ALKAL1: variants seen among roughly 807,000 people sequenced by gnomAD.
ALKAL1 encodes the protein AUG-beta.
A neutral mutation model predicts 13.5 loss-of-function variants in ALKAL1; 23 were observed. That is an observed-to-expected ratio of 1.70 (90% CI 1.23 to 2.41). The LOEUF (loss-of-function observed/expected upper bound fraction) is 2.41, where lower values mean the gene tolerates loss of function less well. Among genes scored for constraint, ALKAL1 ranks in the 30% most tolerant of loss-of-function variants. ALKAL1 has a pLI of 0.00. For missense variants in ALKAL1, 181 were observed against 178.4 expected (o/e 1.01, Z -0.08); for synonymous variants, 85 against 77.7 (o/e 1.09, Z -0.49).
intron 1 of ALKAL1, among the ~76,000 whole-genome samples, chr8:52,560,918 A>C (rs990927888): frequency 2.6e-5 from 4 of 152,310 alleles, no homozygotes; most frequent in African/African-American, 9.6e-5. Flanking sequence ...CAGTAAAATA[A>C]ATAGCTTCAA....
intron 2 of ALKAL1, among the ~76,000 whole-genome samples, chr8:52,541,125 C>A (rs1346665132): frequency 6.6e-6 from 1 of 152,180 alleles, no homozygotes; most frequent in Non-Finnish European, 1.5e-5. Context: ...AAATGATTCA[C>A]AAAGTTGATA....
At chr8:52,535,717 GAACT>G (rs1405254053) in intron 4 of ALKAL1, among the ~76,000 whole-genome samples, 3 of 152,084 alleles carry the variant, frequency 2.0e-5, no homozygotes, top group East Asian at 1.9e-4. Context: ...TAGATATGCA[GAACT>G]AACAGTTCTA....
At chr8:52,551,417 C>A (rs538765906) in intron 1 of ALKAL1, among the ~76,000 whole-genome samples, 12 of 151,990 alleles carry the variant, frequency 7.9e-5, no homozygotes, top group Non-Finnish European at 1.8e-4. Flanking sequence ...GCCTCAGCCT[C>A]CCAAGTAGCT....
At chr8:52,558,027 C>T (rs1431224583) in intron 1 of ALKAL1, among the ~76,000 whole-genome samples, 1 of 150,496 alleles carries the variant, frequency 6.6e-6, no homozygotes, top group Admixed American at 6.6e-5. Context: ...GATGCAGTGG[C>T]TCACTCCTGT....
intron 1 of ALKAL1, among the ~76,000 whole-genome samples, chr8:52,557,770 A>C (rs1237051135): frequency 6.6e-6 from 1 of 152,140 alleles, no homozygotes; most frequent in Non-Finnish European, 1.5e-5. Flanking sequence ...AGATCACTTG[A>C]GGTCAGGAGT....
At chr8:52,548,692 T>C (rs566373887) in intron 1 of ALKAL1, among the ~76,000 whole-genome samples, 2 of 151,610 alleles carry the variant, frequency 1.3e-5, no homozygotes, top group South Asian at 4.1e-4. Context: ...TTACATTATT[T>C]GGGAGGGTTA....
intron 1 of ALKAL1, among the ~76,000 whole-genome samples, chr8:52,563,819 C>G (rs185988227): frequency 4.8e-4 from 73 of 152,252 alleles, no homozygotes; most frequent in African/African-American, 1.7e-3. Flanking sequence ...CCCACCTTCT[C>G]CATCCCCTCC....
chr8:52,534,447 T>G lies in ALKAL1; in HGVS notation c.*166A>C, dbSNP rs1421837421. 1 of 428,898 alleles carries G rather than the reference T, an allele frequency of 2.3e-6. No homozygotes were observed. The highest frequency in any genetic ancestry group is 2.0e-5 in the African/African-American group (1 of 49,058). 26.6% of individuals were successfully genotyped at this position (428,898 alleles called of 1,614,324 possible). A position where few individuals can be genotyped will look rare whatever the true frequency, so the allele number is the denominator to read the frequency against. On this transcript the variant is annotated 3_prime_UTR_variant, in exon 5 of 5. Coordinates refer to ENST00000358543, the MANE Select transcript of ALKAL1 (RefSeq NM_207413.4). ...AAAAGATAAAGCAAGAAAGACTCCA[T>G]TCTATGACAGGAAACAGCTAACCAG...
intron 1 of ALKAL1, among the ~76,000 whole-genome samples, chr8:52,559,754 G>C (rs1022196637): frequency 2.6e-5 from 4 of 152,136 alleles, no homozygotes; most frequent in African/African-American, 9.7e-5. Context: ...ATGCCAAAAA[G>C]TTAGCTTATG....
rs1163405033 is a variant in ALKAL1 at position 52,534,433 on chromosome 8, C to G, written c.*180G>C. 2.4e-6 allele frequency: 1 copy of G among 412,320 alleles called. No individual in the cohort carries two copies. The highest frequency in any genetic ancestry group is 2.1e-5 in the African/African-American group (1 of 48,706). 25.5% of individuals were successfully genotyped at this position (412,320 alleles called of 1,614,324 possible). On this transcript the variant is annotated 3_prime_UTR_variant, in exon 5 of 5. Coordinates refer to ENST00000358543, the MANE Select transcript of ALKAL1 (RefSeq NM_207413.4). Reference sequence around the variant, plus strand: ...TTACTGTATACACAAAAAGATAAAGCAAGAAAGACTCCATTCTATGACAGG... The same window carrying G: ...TTACTGTATACACAAAAAGATAAAGGAAGAAAGACTCCATTCTATGACAGG...
chr8:52,542,484 C>A (rs745800927), intron 1 of ALKAL1, 39 bp from the exon 2 acceptor site: 2 of 1,212,496 alleles, frequency 1.6e-6, no homozygotes, highest in South Asian at 1.3e-5. Context: ...TTATTGAATG[C>A]ATTTCTCCCA....
intron 1 of ALKAL1, among the ~76,000 whole-genome samples, chr8:52,551,298 A>G (rs1042153765): frequency 6.6e-6 from 1 of 151,780 alleles, no homozygotes; most frequent in Non-Finnish European, 1.5e-5. Context: ...ATTTATTTTT[A>G]TTTTTATTTT....
At chr8:52,542,359 G>C in intron 2 of ALKAL1, 33 bp downstream of exon 2, 1 of 1,363,946 alleles carries the variant, frequency 7.3e-7, no homozygotes, top group Non-Finnish European at 1.0e-6. Context: ...TTTTTATTTA[G>C]TTAATGGAAT....
chr8:52,542,423 GT>G lies in ALKAL1; in HGVS notation c.212del (p.Asn71ThrfsTer2). On this transcript the variant is annotated frameshift_variant, in exon 2 of 5. Coordinates refer to ENST00000358543, the MANE Select transcript of ALKAL1 (RefSeq NM_207413.4). LOFTEE classifies it high-confidence loss of function. Reference sequence around the variant, plus strand: ...AATGCTTTATGAATTTGTCTTTTAAGTTAGAGTCTCTTGGGAATATTTCTGA... The same window carrying G: ...AATGCTTTATGAATTTGTCTTTTAAGTAGAGTCTCTTGGGAATATTTCTGA... ...RSAEIFPRDS[N>X]LKDKFIKHFT... The G allele has an allele frequency of 6.5e-7, 1 of 1,542,306 alleles. No individual in the cohort carries two copies. The highest frequency in any genetic ancestry group is 8.9e-7 in the Non-Finnish European group (1 of 1,123,122).
At chr8:52,535,855 T>C (rs1847261639) in intron 4 of ALKAL1, among the ~76,000 whole-genome samples, 1 of 152,154 alleles carries the variant, frequency 6.6e-6, no homozygotes, top group Admixed American at 6.5e-5. Flanking sequence ...TAAATCTCCA[T>C]GCAGTTATGT....
intron 4 of ALKAL1, among the ~76,000 whole-genome samples, chr8:52,536,186 G>A (rs904483500): frequency 6.6e-6 from 1 of 152,082 alleles, no homozygotes. Flanking sequence ...TGATCCACCC[G>A]CCTCGGCGTC....
At chr8:52,559,876 T>C (rs1226593957) in intron 1 of ALKAL1, among the ~76,000 whole-genome samples, 1 of 152,128 alleles carries the variant, frequency 6.6e-6, no homozygotes, top group African/African-American at 2.4e-5. Flanking sequence ...AATAAATAAA[T>C]ATTTTAAAAT....
At chr8:52,563,731 G>A (rs1847572575) in intron 1 of ALKAL1, among the ~76,000 whole-genome samples, 1 of 152,174 alleles carries the variant, frequency 6.6e-6, no homozygotes, top group African/African-American at 2.4e-5. Context: ...CCCCTCCTGA[G>A]GGCTCCCCAG....
At chr8:52,544,248 A>G (rs531626398) in intron 1 of ALKAL1, among the ~76,000 whole-genome samples, 32 of 152,320 alleles carry the variant, frequency 2.1e-4, no homozygotes, top group African/African-American at 7.7e-4. Flanking sequence ...ATTTCAATAC[A>G]CTTGAATTTT....
Sources: gnomAD v4.1 joint callset for allele counts (sites outside exome capture counted in the v4.1 genomes callset) on GRCh38, gnomAD v4.1.1 for gene constraint, MANE v1.5 for transcripts, NCBI Gene and HGNC (gene_info 2026-07-23, HGNC 2026-07-21) for gene names.